Variants in VSNL1 observed in about 807,000 individuals in gnomAD.
VSNL1 encodes the protein visinin like 1.
Under a neutral mutation model 20.4 loss-of-function variants are expected in VSNL1, and 6 were observed. The ratio of observed to expected loss-of-function variants is 0.29; its 90% confidence interval spans 0.16 to 0.58. The LOEUF (loss-of-function observed/expected upper bound fraction) is 0.58. VSNL1 is among the 20% of genes least tolerant of loss of function. The pLI, the probability that VSNL1 is intolerant of heterozygous loss-of-function variation, is 0.90. For synonymous variants in VSNL1, 93 were observed against 86.4 expected, an observed-to-expected ratio of 1.08 and a Z score of -0.42; for missense variants, 100 against 234.5, an observed-to-expected ratio of 0.43 and a Z score of 3.75.
intron 2 of VSNL1, among the ~76,000 whole-genome samples, chr2:17,594,176 T>C (rs1231183883): frequency 6.6e-6 from 1 of 152,238 alleles, no homozygotes; most frequent in Non-Finnish European, 1.5e-5. Flanking sequence ...TGGCGTTTTA[T>C]GGTACAACTG....
At chr2:17,604,143 T>C (rs1318356825) in intron 2 of VSNL1, among the ~76,000 whole-genome samples, 1 of 152,156 alleles carries the variant, frequency 6.6e-6, no homozygotes, top group Non-Finnish European at 1.5e-5. Context: ...GAGAGCAGGT[T>C]GAGGGCGTCC....
intron 2 of VSNL1, among the ~76,000 whole-genome samples, chr2:17,628,733 A>G (rs1017552863): frequency 2.0e-5 from 3 of 152,156 alleles, no homozygotes; most frequent in Non-Finnish European, 4.4e-5. Context: ...TAAGTCCTTG[A>G]GTTTAAAAGG....
chr2:17,581,040 G>A (rs1664338372), intron 1 of VSNL1, among the ~76,000 whole-genome samples: 2 of 152,108 alleles, frequency 1.3e-5, no homozygotes, highest in Admixed American at 6.5e-5. Context: ...TGTGTATAAA[G>A]CAAAAGTAAG....
chr2:17,543,617 C>T (rs1663343122), intron 1 of VSNL1, among the ~76,000 whole-genome samples: 1 of 152,166 alleles, frequency 6.6e-6, no homozygotes, highest in Non-Finnish European at 1.5e-5. Flanking sequence ...ACAGAAAGAC[C>T]GAAGAAGGCT....
chr2:17,643,194 G>A (rs1378005872), intron 2 of VSNL1, among the ~76,000 whole-genome samples: 1 of 152,196 alleles, frequency 6.6e-6, no homozygotes, highest in Non-Finnish European at 1.5e-5. Context: ...GCTCAGCATG[G>A]AGCCCAGCAC....
chr2:17,643,770 A>T (rs1227237304), intron 2 of VSNL1, among the ~76,000 whole-genome samples: 1 of 152,208 alleles, frequency 6.6e-6, no homozygotes, highest in African/African-American at 2.4e-5. Flanking sequence ...AGGTTTAAAG[A>T]AGGAACAGGG....
At chr2:17,543,701 A>G (rs1028988875) in intron 1 of VSNL1, among the ~76,000 whole-genome samples, 4 of 152,198 alleles carry the variant, frequency 2.6e-5, no homozygotes, top group South Asian at 4.1e-4. Flanking sequence ...CTTTTAAAGC[A>G]TTTGCATAGC....
intron 2 of VSNL1, among the ~76,000 whole-genome samples, chr2:17,599,992 CA>C (rs1464005220): frequency 6.6e-6 from 1 of 152,202 alleles, no homozygotes; most frequent in East Asian, 1.9e-4. Flanking sequence ...CCTGGGAAAT[CA>C]TTTCTTGACC....
At chr2:17,581,538 T>C (rs2103365701) in intron 1 of VSNL1, among the ~76,000 whole-genome samples, 1 of 152,320 alleles carries the variant, frequency 6.6e-6, no homozygotes, top group East Asian at 1.9e-4. Flanking sequence ...TTTTAAACAA[T>C]GCTGAAGTAA....
chr2:17,647,667 C>T (rs1666027346), intron 2 of VSNL1, among the ~76,000 whole-genome samples: 1 of 152,176 alleles, frequency 6.6e-6, no homozygotes, highest in African/African-American at 2.4e-5. Flanking sequence ...GAAAGTCCTT[C>T]CCTCTACAAC....
intron 2 of VSNL1, among the ~76,000 whole-genome samples, chr2:17,612,026 G>A (rs1048469067): frequency 1.3e-5 from 2 of 152,134 alleles, no homozygotes; most frequent in African/African-American, 4.8e-5. Context: ...CATTTGTCAG[G>A]GAGAGGACTT....
chr2:17,543,196 G>C lies in VSNL1; in HGVS notation c.-6+2278G>C, dbSNP rs12479224. 9.3e-3 allele frequency among the ~76,000 whole-genome samples: 1,408 copies of C among 151,986 alleles called. 17 individuals are homozygous for C. The highest frequency in any genetic ancestry group is 0.015 in the Non-Finnish European group (1,032 of 67,966). On this transcript the variant is annotated intron_variant, in intron 1 of 3. Coordinates refer to ENST00000295156, the MANE Select transcript of VSNL1 (RefSeq NM_003385.5). ...CACCTCTAATATCCCCACCTCTTTG[G>C]ATGTTTAGTCTGGCTTTTCTGGCCT... is the stretch of plus-strand genomic sequence containing the variant.
At chr2:17,593,071 T>A (rs1258016718) in intron 2 of VSNL1, among the ~76,000 whole-genome samples, 1 of 152,242 alleles carries the variant, frequency 6.6e-6, no homozygotes, top group African/African-American at 2.4e-5. Context: ...TAGCAAATGT[T>A]GATTTGAGCA....
chr2:17,654,058 A>G (rs1328701309), intron 3 of VSNL1, among the ~76,000 whole-genome samples: 1 of 152,176 alleles, frequency 6.6e-6, no homozygotes, highest in Non-Finnish European at 1.5e-5. Context: ...TTTTGTTGCT[A>G]AAATAGTATA....
intron 2 of VSNL1, among the ~76,000 whole-genome samples, chr2:17,622,631 G>T (rs1051951740): frequency 2.0e-5 from 3 of 151,688 alleles, no homozygotes; most frequent in Admixed American, 2.0e-4. Context: ...ATGAATCCTA[G>T]TAATGTTGCA....
chr2:17,582,705 A>G (rs1300444514), intron 1 of VSNL1, among the ~76,000 whole-genome samples: 1 of 151,990 alleles, frequency 6.6e-6, no homozygotes, highest in African/African-American at 2.4e-5. Context: ...GTTTTAGGGG[A>G]AAAAGGAGGA....
chr2:17,642,369 C>A (rs773953969), intron 2 of VSNL1, among the ~76,000 whole-genome samples: 1 of 134,318 alleles, frequency 7.4e-6, no homozygotes, highest in Non-Finnish European at 1.6e-5. Context: ...AGTGCAGTGG[C>A]GCTATCTTGG....
In VSNL1 at chr2:17,577,837, T is replaced by C. The variant is rs538950736; in HGVS notation, c.-5-14233T>C. Among the ~76,000 whole-genome samples the C allele has an allele frequency of 2.5e-4, 38 of 152,276 alleles. 1 individual carries two copies. The highest frequency in any genetic ancestry group is 2.5e-4 in the Non-Finnish European group (17 of 68,024). On this transcript the variant is annotated intron_variant, in intron 1 of 3. Coordinates refer to ENST00000295156, the MANE Select transcript of VSNL1 (RefSeq NM_003385.5). ...ACGGTTTTTGTCACAGAAAAGTACT[T>C]TTTTGTTTCTCATCTCTAATCTGAC...
rs1474589177 is a variant in VSNL1 at position 17,565,398 on chromosome 2, T to G, written c.-6+24480T>G. On this transcript the variant is annotated intron_variant, in intron 1 of 3. Transcript: ENST00000295156. ...TCTCAATCTCACTCACCTACCTTCT[T>G]CCTCAAAGCAATCATTCTATTTAAT... 2.6e-5 allele frequency among the ~76,000 whole-genome samples: 4 copies of G among 151,808 alleles called. No homozygotes were observed. The East Asian group carries it at 7.8e-4, about 30-fold the overall frequency.
Sources: allele counts gnomAD v4.1 joint callset (sites outside exome capture counted in the v4.1 genomes callset), GRCh38; gene constraint gnomAD v4.1.1; transcripts MANE v1.5; gene names NCBI Gene and HGNC (gene_info 2026-07-23, HGNC 2026-07-21).